PCMTD1: variants seen among roughly 807,000 people sequenced by gnomAD.
PCMTD1 encodes protein-L-isoaspartate O-methyltransferase domain-containing protein 1.
A neutral mutation model predicts 37.6 loss-of-function variants in PCMTD1; 12 were observed. The ratio of observed to expected loss-of-function variants is 0.32; its 90% confidence interval spans 0.20 to 0.52. The LOEUF (loss-of-function observed/expected upper bound fraction) is 0.52, where lower values mean the gene tolerates loss of function less well. Among genes scored for constraint, PCMTD1 ranks in the 20% least tolerant of loss-of-function variants. The probability of loss-of-function intolerance (pLI) is 0.97; values close to 1 mark genes in which losing one functional copy is unlikely to be tolerated. For missense variants in PCMTD1, 235 were observed against 421.3 expected, an observed-to-expected ratio of 0.56 and a Z score of 3.87; for synonymous variants, 117 against 135.8, an observed-to-expected ratio of 0.86 and a Z score of 0.96.
intron 4 of PCMTD1, among the ~76,000 whole-genome samples, 180 bp from the exon 5 acceptor site, chr8:51,831,747 A>G (rs899861695): frequency 1.2e-4 from 19 of 152,242 alleles, no homozygotes; most frequent in Non-Finnish European, 2.4e-4. Context: ...AAGGAATGGA[A>G]ATATTTGCTG....
intron 2 of PCMTD1, among the ~76,000 whole-genome samples, chr8:51,852,307 T>G (rs1260110043): frequency 6.6e-6 from 1 of 152,188 alleles, no homozygotes; most frequent in African/African-American, 2.4e-5. Flanking sequence ...CAACGAAGAC[T>G]GAAACAAATG....
intron 2 of PCMTD1, among the ~76,000 whole-genome samples, chr8:51,854,742 C>T (rs1316310247): frequency 6.6e-6 from 1 of 151,948 alleles, no homozygotes; most frequent in Non-Finnish European, 1.5e-5. Context: ...CTGGGCATGG[C>T]GGCACATGCC....
chr8:51,823,272 T>C (rs1301587982), intron 5 of PCMTD1, among the ~76,000 whole-genome samples: 1 of 152,202 alleles, frequency 6.6e-6, no homozygotes, highest in Non-Finnish European at 1.5e-5. Context: ...GAGACCACTC[T>C]GGGCAACATG....
chr8:51,862,827 A>C (rs1419303969), intron 1 of PCMTD1, among the ~76,000 whole-genome samples: 1 of 152,166 alleles, frequency 6.6e-6, no homozygotes, highest in African/African-American at 2.4e-5. Flanking sequence ...TAATTCATTC[A>C]AACTCACTTA....
chr8:51,849,891 G>T, intron 2 of PCMTD1: 1 of 601,214 alleles, frequency 1.7e-6, no homozygotes. Flanking sequence ...CTGATGAGTA[G>T]AAGACTGAGG....
chr8:51,873,577 G>A (rs534652864), intron 1 of PCMTD1, among the ~76,000 whole-genome samples: 2 of 152,210 alleles, frequency 1.3e-5, no homozygotes, highest in Admixed American at 6.5e-5. Context: ...ATCCCATGTT[G>A]AACTGTAATC....
chr8:51,820,720 T>TA lies in PCMTD1; in HGVS notation c.707-3dup. 1.3e-6 allele frequency: 2 copies of TA among 1,584,140 alleles called. No homozygotes were observed. Among genetic ancestry groups the TA allele is most frequent in the Non-Finnish European group, 1.7e-6 (2 of 1,170,054 alleles). The stretch of plus-strand genomic sequence containing the variant: ...GTAGATTCCTGACAGCACAGGGAGC[T>TA]AAAAACAAACATAAAACGCAAGAAA... On this transcript the variant is annotated splice_polypyrimidine_tract_variant and splice_region_variant and intron_variant, in intron 5 of 5. Transcript: ENST00000522514.
intron 5 of PCMTD1, among the ~76,000 whole-genome samples, chr8:51,823,645 T>C (rs1480697982): frequency 5.9e-5 from 9 of 152,166 alleles, no homozygotes. Context: ...CTAGGAAAAC[T>C]TATTTTAAAT....
At chr8:51,867,253 T>C (rs765705784) in intron 1 of PCMTD1, among the ~76,000 whole-genome samples, 1 of 152,086 alleles carries the variant, frequency 6.6e-6, no homozygotes, top group Non-Finnish European at 1.5e-5. Flanking sequence ...AAATGAAAAT[T>C]AATACAGCTT....
At chr8:51,867,411 T>C (rs1360145485) in intron 1 of PCMTD1, among the ~76,000 whole-genome samples, 1 of 151,784 alleles carries the variant, frequency 6.6e-6, no homozygotes, top group Non-Finnish European at 1.5e-5. Flanking sequence ...TGCAGCATTA[T>C]TCACAATAGC....
chr8:51,827,458 G>T (rs908143470), intron 5 of PCMTD1: 1 of 378,208 alleles, frequency 2.6e-6, no homozygotes, highest in Non-Finnish European at 5.2e-6. Context: ...ATGCTATCCT[G>T]CCTGGGATGT....
At chr8:51,863,924 CAA>C (rs35179050) in intron 1 of PCMTD1, among the ~76,000 whole-genome samples, 198 of 121,666 alleles carry the variant, frequency 1.6e-3, no homozygotes, top group Admixed American at 2.2e-3. Context: ...GATTCCCTCT[CAA>C]AAAAAAAAAA....
intron 1 of PCMTD1, among the ~76,000 whole-genome samples, chr8:51,881,401 G>C (rs964285432): frequency 6.6e-6 from 1 of 152,036 alleles, no homozygotes; most frequent in Non-Finnish European, 1.5e-5. Flanking sequence ...TCAAGACTAG[G>C]CTCCACAAGG....
At chr8:51,867,374 A>C (rs1371784955) in intron 1 of PCMTD1, among the ~76,000 whole-genome samples, 2 of 151,942 alleles carry the variant, frequency 1.3e-5, no homozygotes, top group Non-Finnish European at 2.9e-5. Flanking sequence ...TAGTATGTCA[A>C]AGATATATCT....
At chr8:51,849,109 T>C (rs990974798) in intron 2 of PCMTD1, 2 of 152,130 alleles carry the variant, frequency 1.3e-5, no homozygotes, top group African/African-American at 4.8e-5. Context: ...TGAAAAAGCA[T>C]ACATAGCTGC....
intron 5 of PCMTD1, among the ~76,000 whole-genome samples, chr8:51,825,828 GA>G (rs2129273603): frequency 6.6e-6 from 1 of 151,756 alleles, no homozygotes; most frequent in South Asian, 2.1e-4. Context: ...ACACCAATTA[GA>G]ATGCAATCAT....
At chr8:51,893,934 C>T (rs535660770) in intron 1 of PCMTD1, among the ~76,000 whole-genome samples, 2 of 152,292 alleles carry the variant, frequency 1.3e-5, no homozygotes, top group East Asian at 3.9e-4. Flanking sequence ...CTGGAAGACA[C>T]AAGGAACAGT....
At chr8:51,845,894 C>A (rs932648924) in intron 2 of PCMTD1, 131 bp from the exon 3 acceptor site, 4 of 566,338 alleles carry the variant, frequency 7.1e-6, no homozygotes, top group Admixed American at 3.1e-5. Flanking sequence ...TACTTCCTAG[C>A]CTCAGACTTA....
At chr8:51,831,759 T>C (rs2038001547) in intron 4 of PCMTD1, among the ~76,000 whole-genome samples, 192 bp from the exon 5 acceptor site, 1 of 152,234 alleles carries the variant, frequency 6.6e-6, no homozygotes, top group African/African-American at 2.4e-5. Flanking sequence ...TATTTGCTGT[T>C]AATACAGATG....
Sources: gnomAD v4.1 joint callset for allele counts (sites outside exome capture counted in the v4.1 genomes callset) on GRCh38, gnomAD v4.1.1 for gene constraint, MANE v1.5 for transcripts, NCBI Gene and HGNC (gene_info 2026-07-23, HGNC 2026-07-21) for gene names.